The following ARHGAP26 variants were observed in gnomAD, a reference collection of about 807,000 sequenced individuals.
The protein encoded by ARHGAP26 is Rho GTPase activating protein 26, also known as rho GTPase-activating protein 26.
ARHGAP26 carries 38 observed loss-of-function variants against 104.8 expected under a neutral mutation model. That is an observed-to-expected ratio of 0.36 (90% CI 0.28 to 0.48). The LOEUF (loss-of-function observed/expected upper bound fraction) is 0.48, where lower values mean the gene tolerates loss of function less well. Among genes scored for constraint, ARHGAP26 ranks in the 20% least tolerant of loss-of-function variants. The pLI is 0.99. For missense variants in ARHGAP26, 704 were observed against 947.9 expected, an observed-to-expected ratio of 0.74 and a Z score of 3.38; for synonymous variants, 341 against 340.0, an observed-to-expected ratio of 1.00 and a Z score of -0.03.
At chr5:143,065,668 C>T (rs1787372590) in intron 17 of ARHGAP26, among the ~76,000 whole-genome samples, 1 of 152,360 alleles carries the variant, frequency 6.6e-6, no homozygotes, top group East Asian at 1.9e-4. Context: ...ATTGCAGCCA[C>T]CACTGAGATG....
intron 17 of ARHGAP26, 93 bp downstream of exon 17, chr5:143,057,840 C>T: frequency 9.6e-7 from 1 of 1,042,374 alleles, no homozygotes; most frequent in East Asian, 2.4e-5. Flanking sequence ...TTGTTTCTCT[C>T]TCCCACTATT....
Position 143,222,409 on chromosome 5 carries a change from C to T in ARHGAP26, c.2243C>T (p.Thr748Ile), listed in dbSNP as rs1811328666. ...GWLEGTLNGKTGLIPENYVEF... is the reference protein window; with the variant it reads ...GWLEGTLNGKIGLIPENYVEF... ...TTGGAGGGGACTCTGAACGGAAAGA[C>T]TGGCCTCATCCCTGAGAATTACGTG... is the stretch of plus-strand genomic sequence containing the variant. Residue 748 changes from threonine to isoleucine, a missense_variant, in exon 23 of 23, where the codon ACT (threonine) becomes ATT (isoleucine). By Grantham distance (89) the Thr-to-Ile change is moderately conservative. Transcript: ENST00000645722. 6.2e-7 allele frequency: 1 copy of T among 1,606,236 alleles called. No individual in the cohort carries two copies. The highest frequency in any genetic ancestry group is 1.7e-5 in the Admixed American group (1 of 59,742).
chr5:143,167,518 A>AAAAAG (rs1802165034), intron 20 of ARHGAP26, among the ~76,000 whole-genome samples: 1 of 123,676 alleles, frequency 8.1e-6, no homozygotes, highest in African/African-American at 3.3e-5. Flanking sequence ...AAAAAAAAAA[A>AAAAAG]GAAATCCATT....
At chr5:142,890,566 C>T (rs1758515757) in intron 5 of ARHGAP26, among the ~76,000 whole-genome samples, 1 of 151,922 alleles carries the variant, frequency 6.6e-6, no homozygotes, top group South Asian at 2.1e-4. Flanking sequence ...GGAAGATATT[C>T]TGGCTCCTGT....
At chr5:142,843,376 C>T (rs534467267) in intron 1 of ARHGAP26, among the ~76,000 whole-genome samples, 5 of 152,300 alleles carry the variant, frequency 3.3e-5, no homozygotes, top group African/African-American at 1.2e-4. Context: ...ATTGAAGCAA[C>T]TAATGTAGGG....
intron 11 of ARHGAP26, among the ~76,000 whole-genome samples, chr5:142,950,115 C>T (rs1768079034): frequency 6.6e-6 from 1 of 152,134 alleles, no homozygotes; most frequent in South Asian, 2.1e-4. Flanking sequence ...TAAAATACAA[C>T]CTTGTTTCTT....
chr5:142,856,573 A>T (rs1221274801), intron 1 of ARHGAP26, among the ~76,000 whole-genome samples: 1 of 152,236 alleles, frequency 6.6e-6, no homozygotes. Context: ...AATTACAGCC[A>T]GGCCTCTATA....
intron 20 of ARHGAP26, among the ~76,000 whole-genome samples, chr5:143,178,165 A>C (rs1803772820): frequency 6.6e-6 from 1 of 151,734 alleles, no homozygotes; most frequent in South Asian, 2.1e-4. Flanking sequence ...ATGCCCGGCT[A>C]ATTTTTGTAT....
chr5:142,864,539 A>C (rs1753913817), intron 1 of ARHGAP26, among the ~76,000 whole-genome samples: 1 of 152,206 alleles, frequency 6.6e-6, no homozygotes, highest in Non-Finnish European at 1.5e-5. Context: ...TTAGGAACTC[A>C]GGTGTGTTTT....
At chr5:143,139,270 C>A (rs1025316922) in intron 19 of ARHGAP26, among the ~76,000 whole-genome samples, 2 of 152,048 alleles carry the variant, frequency 1.3e-5, no homozygotes, top group African/African-American at 4.8e-5. Flanking sequence ...TCGTGTCATC[C>A]CCACAATTGA....
intron 4 of ARHGAP26, among the ~76,000 whole-genome samples, chr5:142,884,520 A>G (rs1329040401): frequency 1.3e-5 from 2 of 152,210 alleles, no homozygotes; most frequent in South Asian, 2.1e-4. Context: ...GTAAATTCCC[A>G]CCTCATCTTT....
At chr5:142,916,842 A>G (rs748286946) in intron 10 of ARHGAP26, among the ~76,000 whole-genome samples, 5 of 152,134 alleles carry the variant, frequency 3.3e-5, no homozygotes, top group Non-Finnish European at 5.9e-5. Context: ...AGCATTTCCT[A>G]TAAGCTGAAC....
chr5:143,066,558 A>G (rs973456990), intron 17 of ARHGAP26, among the ~76,000 whole-genome samples: 4 of 152,354 alleles, frequency 2.6e-5, no homozygotes, highest in African/African-American at 9.6e-5. Flanking sequence ...GGGAGAAAGA[A>G]GATGATAGAG....
intron 11 of ARHGAP26, among the ~76,000 whole-genome samples, chr5:142,955,052 G>T (rs868163964): frequency 5.9e-5 from 9 of 152,034 alleles, no homozygotes; most frequent in African/African-American, 1.9e-4. Flanking sequence ...GCTGAGGCAG[G>T]AGGATCACTT....
At chr5:143,073,315 C>A (rs1358092379) in intron 17 of ARHGAP26, among the ~76,000 whole-genome samples, 1 of 152,060 alleles carries the variant, frequency 6.6e-6, no homozygotes, top group African/African-American at 2.4e-5. Context: ...TCCTTGTATC[C>A]CTGTGTTCTT....
intron 11 of ARHGAP26, among the ~76,000 whole-genome samples, chr5:142,948,597 T>C (rs1431988710): frequency 1.3e-5 from 2 of 151,848 alleles, no homozygotes; most frequent in East Asian, 1.9e-4. Context: ...TAGTTAACAA[T>C]TGATTTTAGT....
chr5:142,879,479 G>T, intron 4 of ARHGAP26, 34 bp downstream of exon 4: 1 of 1,568,568 alleles, frequency 6.4e-7, no homozygotes. Context: ...CTGGATTTTA[G>T]GGTGAGAGGT....
intron 11 of ARHGAP26, among the ~76,000 whole-genome samples, chr5:142,938,605 A>G (rs536716452): frequency 1.3e-5 from 2 of 152,330 alleles, no homozygotes; most frequent in South Asian, 2.1e-4. Flanking sequence ...TAGAATTTCT[A>G]CCAGCCCATC....
At chr5:142,932,434 C>T (rs1221628396) in intron 11 of ARHGAP26, among the ~76,000 whole-genome samples, 3 of 152,128 alleles carry the variant, frequency 2.0e-5, no homozygotes, top group Non-Finnish European at 2.9e-5. Context: ...TTATAAGCAG[C>T]GGGACATTAT....
Sources: allele counts gnomAD v4.1 joint callset (sites outside exome capture counted in the v4.1 genomes callset), GRCh38; gene constraint gnomAD v4.1.1; transcripts MANE v1.5; gene names NCBI Gene and HGNC (gene_info 2026-07-23, HGNC 2026-07-21).